Variants in TRMT11 observed in about 807,000 individuals in gnomAD.
TRMT11 encodes tRNA (guanine(10)-N(2))-methyltransferase TRMT11.
In TRMT11, 53 loss-of-function variants were observed where a neutral mutation model predicts 62.8. That is an observed-to-expected ratio of 0.84 (90% CI 0.68 to 1.06). The LOEUF is 1.06. Ranked by LOEUF, TRMT11 falls within the 50% of genes least tolerant of loss-of-function variation. TRMT11 has a pLI of 0.00. For missense variants in TRMT11, 556 were observed against 553.4 expected (o/e 1.00, Z -0.05); for synonymous variants, 188 against 190.3 (o/e 0.99, Z 0.10).
At chr6:126,217,965 ACAATGT>A in the TRMT11 span, among the ~76,000 whole-genome samples, 2 of 152,224 alleles carry the variant, frequency 1.3e-5, no homozygotes, top group African/African-American at 4.8e-5. Context: ...AAGCCACAAG[ACAATGT>A]CCTTCCCACT....
intron 17 of TRMT11, among the ~76,000 whole-genome samples, chr6:126,094,596 A>G (rs1562321727): frequency 6.6e-6 from 1 of 152,182 alleles, no homozygotes; most frequent in Non-Finnish European, 1.5e-5. Flanking sequence ...TTAGTCTCAG[A>G]GGCAAGACTA....
chr6:126,131,276 A>G (rs1255914364), intron 21 of TRMT11, among the ~76,000 whole-genome samples: 3 of 152,150 alleles, frequency 2.0e-5, no homozygotes, highest in African/African-American at 7.2e-5. Context: ...CACAGTCTGG[A>G]TAACTCTTAG....
intron 17 of TRMT11, among the ~76,000 whole-genome samples, chr6:126,098,252 G>C (rs1309315167): frequency 1.3e-5 from 2 of 152,030 alleles, no homozygotes; most frequent in Admixed American, 1.3e-4. Flanking sequence ...GGGGGCAGGC[G>C]CTGCACAGCT....
chr6:125,998,494 G>C (rs1408236868), intron 5 of TRMT11, 56 bp from the exon 6 acceptor site: 7 of 1,544,948 alleles, frequency 4.5e-6, no homozygotes, highest in Non-Finnish European at 6.2e-6. Context: ...TTAGATAAGC[G>C]CCATTTTTCA....
rs187485876 is a variant in TRMT11 at position 126,183,349 on chromosome 6, T to A, written n.143+6014T>A. ...GTTAAAAGTACTGAGAGCAAAAGTT[T>A]CTTCTGTAATAAGGCCCAGATGATC... is the stretch of plus-strand genomic sequence containing the variant. On this transcript the variant is annotated intron_variant and non_coding_transcript_variant, in intron 1 of 3. Coordinates refer to the TRMT11 transcript ENST00000444229. 4.4e-3 allele frequency among the ~76,000 whole-genome samples: 675 copies of A among 152,268 alleles called. 7 individuals carry two copies. The highest frequency in any genetic ancestry group is 0.015 in the African/African-American group (604 of 41,558).
chr6:126,245,630 A>G, the TRMT11 span, among the ~76,000 whole-genome samples: 1 of 152,264 alleles, frequency 6.6e-6, no homozygotes, highest in East Asian at 1.9e-4. Flanking sequence ...TTTTAGCTTT[A>G]AAAACTTGAT....
At chr6:126,257,821 G>A in the TRMT11 span, 3 of 849,928 alleles carry the variant, frequency 3.5e-6, no homozygotes, top group Admixed American at 1.9e-5. Context: ...ACCTGCTCAT[G>A]GCACTGAGCC....
At chr6:126,261,936 G>T in the TRMT11 span, among the ~76,000 whole-genome samples, 1 of 152,122 alleles carries the variant, frequency 6.6e-6, no homozygotes, top group Non-Finnish European at 1.5e-5. Flanking sequence ...AGGTCCTACG[G>T]TAGTCTGTCT....
chr6:126,250,574 G>A, the TRMT11 span, among the ~76,000 whole-genome samples: 1 of 152,074 alleles, frequency 6.6e-6, no homozygotes, highest in South Asian at 2.1e-4. Flanking sequence ...TTTTGGATGA[G>A]GCAAGCATCA....
chr6:126,251,494 T>C, the TRMT11 span, among the ~76,000 whole-genome samples: 1 of 152,196 alleles, frequency 6.6e-6, no homozygotes, highest in Admixed American at 6.5e-5. Flanking sequence ...AAATTCACAC[T>C]TTTAATAATT....
intron 21 of TRMT11, among the ~76,000 whole-genome samples, chr6:126,137,047 T>C (rs1583885852): frequency 6.6e-6 from 1 of 151,372 alleles, no homozygotes; most frequent in Non-Finnish European, 1.5e-5. Flanking sequence ...GTAGAAAACA[T>C]TGGGGACATA....
At chr6:126,189,011 G>A (rs6934184) in intron 1 of TRMT11, among the ~76,000 whole-genome samples, 5,378 of 152,136 alleles carry the variant, frequency 0.035, 334 homozygotes, top group African/African-American at 0.12. Context: ...AAAAATCATA[G>A]GAGGTTATAG....
chr6:126,260,965 A>T, the TRMT11 span, among the ~76,000 whole-genome samples: 1 of 152,188 alleles, frequency 6.6e-6, no homozygotes, highest in African/African-American at 2.4e-5. Context: ...GGATGTTTGT[A>T]TATCTTCCAA....
At chr6:126,171,787 C>T (rs1239887393) in intron 21 of TRMT11, among the ~76,000 whole-genome samples, 2 of 151,402 alleles carry the variant, frequency 1.3e-5, no homozygotes, top group Non-Finnish European at 2.9e-5. Context: ...GGTGTGATCT[C>T]GGCTCACTGC....
At chr6:126,071,134 C>T (rs986891269) in intron 17 of TRMT11, among the ~76,000 whole-genome samples, 4 of 152,184 alleles carry the variant, frequency 2.6e-5, no homozygotes, top group Non-Finnish European at 5.9e-5. Flanking sequence ...TTCTTCTCCT[C>T]CCACACGTGA....
intron 2 of TRMT11, among the ~76,000 whole-genome samples, chr6:126,199,300 C>G (rs1287197750): frequency 6.6e-6 from 1 of 152,190 alleles, no homozygotes; most frequent in Non-Finnish European, 1.5e-5. Flanking sequence ...CTTAGGGTAA[C>G]AAACATTCCA....
intron 17 of TRMT11, among the ~76,000 whole-genome samples, chr6:126,062,849 A>C (rs1583854545): frequency 6.6e-6 from 1 of 152,230 alleles, no homozygotes; most frequent in African/African-American, 2.4e-5. Context: ...CTTATAAAAA[A>C]TAAATTGAAT....
At chr6:126,068,362 G>A (rs1285450746) in intron 17 of TRMT11, among the ~76,000 whole-genome samples, 1 of 152,088 alleles carries the variant, frequency 6.6e-6, no homozygotes, top group African/African-American at 2.4e-5. Flanking sequence ...CTTGACTCAG[G>A]TCGTGAAGTT....
At chr6:126,238,438 A>T in the TRMT11 span, among the ~76,000 whole-genome samples, 1 of 152,056 alleles carries the variant, frequency 6.6e-6, no homozygotes, top group Admixed American at 6.6e-5. Context: ...TTCAAAGAAC[A>T]TCTTTATTTC....
Sources: gnomAD v4.1 joint callset for allele counts (sites outside exome capture counted in the v4.1 genomes callset) on GRCh38, gnomAD v4.1.1 for gene constraint, MANE v1.5 for transcripts, NCBI Gene and HGNC (gene_info 2026-07-23, HGNC 2026-07-21) for gene names.